ZNF551: variants seen among roughly 807,000 people sequenced by gnomAD.
ZNF551 encodes the protein zinc finger protein 551.
ZNF551 carries 5 observed loss-of-function variants against 7.9 expected under a neutral mutation model. The observed-to-expected ratio is 0.63, with a 90% CI of 0.33 to 1.33. The LOEUF (loss-of-function observed/expected upper bound fraction) is 1.33. ZNF551 is among the 40% of genes most tolerant of loss of function. ZNF551 has a pLI of 0.05. For missense variants in ZNF551, 788 were observed against 825.2 expected (o/e 0.95, Z 0.55); for synonymous variants, 287 against 277.3 (o/e 1.03, Z -0.35).
rs1190363572 is a variant in ZNF551 at position 57,687,833 on chromosome 19, C to G, written c.1558C>G (p.Gln520Glu). ...KSFTRKSDLIQHRRIHTGTRP... is the reference protein window; with the variant it reads ...KSFTRKSDLIEHRRIHTGTRP... ...CTTTACCCGCAAATCTGACCTCATT[C>G]AACACCGGAGAATTCATACTGGCAC... is the stretch of plus-strand genomic sequence containing the variant. Residue 520 changes from glutamine (Q) to glutamate (E), a missense_variant, in exon 3 of 3, where the codon CAA (glutamine) becomes GAA (glutamate). Coordinates refer to ENST00000282296, the MANE Select transcript of ZNF551 (RefSeq NM_138347.5). 6.2e-7 allele frequency: 1 copy of G among 1,614,068 alleles called. No individual in the cohort carries two copies. The highest frequency in any genetic ancestry group is 2.2e-5 in the East Asian group (1 of 44,864).
At position 57,687,980 on chromosome 19, in the gene ZNF551, A is replaced by G. The variant is rs778806700; in HGVS notation, c.1705A>G (p.Ser569Gly). Reference protein sequence around the residue: ...YECSECGKSFSQSASLIQHQR... With the variant: ...YECSECGKSFGQSASLIQHQR... ...ATGTAGTGAATGTGGAAAGTCTTTT[A>G]GCCAAAGTGCTAGCCTCATTCAACA... is the stretch of plus-strand genomic sequence containing the variant. Residue 569 changes from serine to glycine, a missense_variant, in exon 3 of 3, where the codon AGC (serine) becomes GGC (glycine). Ser to Gly is a moderately conservative substitution (Grantham distance 56, BLOSUM62 0). Transcript: ENST00000282296. The G allele has an allele frequency of 1.2e-6, 2 of 1,614,038 alleles. No homozygotes were observed. The highest frequency in any genetic ancestry group is 1.7e-6 in the Non-Finnish European group (2 of 1,180,042).
chr19:57,688,158 C>G lies in ZNF551; in HGVS notation c.1883C>G (p.Ser628Ter), dbSNP rs1268627973. The part of the protein sequence containing the change: ...SQCGKPFTHK[S>*]DLIQHQRVHT... ...TGTGGGAAACCCTTTACCCACAAAT[C>G]AGACCTTATTCAGCACCAAAGAGTT... Residue 628 changes from serine (S) to a stop codon, truncating the protein, a stop_gained, in exon 3 of 3, where the codon TCA becomes TGA. Coordinates refer to ENST00000282296, the MANE Select transcript of ZNF551 (RefSeq NM_138347.5). LOFTEE classifies it low-confidence loss of function (END_TRUNC). 6.2e-7 allele frequency: 1 copy of G among 1,613,824 alleles called. No homozygotes were observed. The highest frequency in any genetic ancestry group is 2.2e-5 in the East Asian group (1 of 44,808).
At position 57,689,591 on chromosome 19, in the gene ZNF551, G is replaced by A. The variant is rs572069020; in HGVS notation, c.*1303G>A. The A allele has an allele frequency of 5.3e-5, 8 of 152,304 alleles. No homozygotes were observed. The highest frequency in any genetic ancestry group is 1.9e-4 in the African/African-American group (8 of 41,498). The allele number at this position is 152,304 out of a possible 1,614,324, so 9.4% of individuals were successfully genotyped here. ...AGGCGGGCGGATTGCCTGAGCTCAG[G>A]AGTTCAAGACCAGCCTGGGCAACAT... is the stretch of plus-strand genomic sequence containing the variant. On this transcript the variant is annotated 3_prime_UTR_variant, in exon 3 of 3. Coordinates refer to ENST00000282296, the MANE Select transcript of ZNF551 (RefSeq NM_138347.5).
In ZNF551 at chr19:57,688,955, G is replaced by A. The variant is rs1199319409; in HGVS notation, c.*667G>A. The A allele has an allele frequency of 6.6e-6, 1 of 152,560 alleles. No homozygotes were observed. Among genetic ancestry groups the A allele is most frequent in the Non-Finnish European group, 1.5e-5 (1 of 68,330 alleles). The allele number at this position is 152,560 out of a possible 1,614,324, so 9.5% of individuals were successfully genotyped here. On this transcript the variant is annotated 3_prime_UTR_variant, in exon 3 of 3. Coordinates refer to ENST00000282296, the MANE Select transcript of ZNF551 (RefSeq NM_138347.5). ...CAGCATGAAGGGGTGAATAGATTTTGTGGAGATCTCAAACTTTCTGTACTC... is the reference window on the plus strand; with the variant it reads ...CAGCATGAAGGGGTGAATAGATTTTATGGAGATCTCAAACTTTCTGTACTC...
chr19:57,683,163 G>A (rs1465029742), intron 1 of ZNF551, among the ~76,000 whole-genome samples: 3 of 152,178 alleles, frequency 2.0e-5, no homozygotes, highest in Non-Finnish European at 2.9e-5. Flanking sequence ...AGCATGGGAA[G>A]CCAACTGAAG....
Position 57,682,087 on chromosome 19 carries a change from C to G in ZNF551, c.-77C>G, listed in dbSNP as rs1017327062. 4 of 1,470,742 alleles carry G rather than the reference C, an allele frequency of 2.7e-6. No homozygotes were observed. Among genetic ancestry groups the G allele is most frequent in the Non-Finnish European group, 2.7e-6 (3 of 1,093,438 alleles). 91.1% of individuals were successfully genotyped at this position (1,470,742 alleles called of 1,614,324 possible). A position where few individuals can be genotyped will look rare whatever the true frequency, so the allele number is the denominator to read the frequency against. On this transcript the variant is annotated 5_prime_UTR_variant, in exon 1 of 3. Coordinates refer to ENST00000282296, the MANE Select transcript of ZNF551 (RefSeq NM_138347.5). Reference sequence around the variant, plus strand: ...ACTGAGGGACGGGACAGAGAAGTCGCGAAAGTGGGCCAGAGGTTCTGCGAC... The same window carrying G: ...ACTGAGGGACGGGACAGAGAAGTCGGGAAAGTGGGCCAGAGGTTCTGCGAC...
rs1404693700 is a variant in ZNF551 at position 57,687,122 on chromosome 19, G to A, written c.847G>A (p.Glu283Lys). 1 of 1,614,084 alleles carries A rather than the reference G, an allele frequency of 6.2e-7. No homozygotes were observed. Among genetic ancestry groups the A allele is most frequent in the Non-Finnish European group, 8.5e-7 (1 of 1,180,054 alleles). Reference protein sequence around the residue: ...HTGQKMFECSECEESFSKKCH... With the variant: ...HTGQKMFECSKCEESFSKKCH... ...TGGACAAAAGATGTTTGAGTGTAGT[G>A]AATGTGAGGAATCCTTTAGCAAAAA... Residue 283 changes from glutamate (E) to lysine (K), a missense_variant, in exon 3 of 3, where the codon GAA becomes AAA. Transcript: ENST00000282296.
chr19:57,686,450 A>G, intron 2 of ZNF551, 31 bp from the exon 3 acceptor site: 1 of 1,590,728 alleles, frequency 6.3e-7, no homozygotes, highest in Non-Finnish European at 8.6e-7. Context: ...GAAAGTCAGC[A>G]TGCATTTCAT....
chr19:57,682,100 G>C lies in ZNF551; in HGVS notation c.-64G>C. ...ACAGAGAAGTCGCGAAAGTGGGCCA[G>C]AGGTTCTGCGACACCACCTCGGGTG... On this transcript the variant is annotated 5_prime_UTR_variant, in exon 1 of 3. Transcript: ENST00000282296. 1 of 1,503,610 alleles carries C rather than the reference G, an allele frequency of 6.7e-7. No individual in the cohort carries two copies. The allele number at this position is 1,503,610 out of a possible 1,614,324, so 93.1% of individuals were successfully genotyped here. A position where few individuals can be genotyped will look rare whatever the true frequency, so the allele number is the denominator to read the frequency against.
intron 1 of ZNF551, among the ~76,000 whole-genome samples, chr19:57,683,180 G>T (rs1303245476): frequency 6.6e-6 from 1 of 152,196 alleles, no homozygotes; most frequent in African/African-American, 2.4e-5. Flanking sequence ...GAAGGATGAG[G>T]TGGGGAGACC....
chr19:57,682,345 A>G, intron 1 of ZNF551, 101 bp downstream of exon 1: 3 of 1,277,048 alleles, frequency 2.3e-6, no homozygotes, highest in South Asian at 1.5e-5. Flanking sequence ...AGGCCCCAGT[A>G]CCCTGGACAA....
At chr19:57,683,431 C>T (rs1984453190) in intron 1 of ZNF551, among the ~76,000 whole-genome samples, 1 of 152,110 alleles carries the variant, frequency 6.6e-6, no homozygotes, top group Non-Finnish European at 1.5e-5. Flanking sequence ...GAGTAGTTTT[C>T]ATTTGGGATA....
chr19:57,686,801 C>T lies in ZNF551; in HGVS notation c.526C>T (p.His176Tyr), dbSNP rs1273415088. Residue 176 changes from histidine (H) to tyrosine (Y), a missense_variant, in exon 3 of 3, where the codon CAT becomes TAT. His to Tyr is a moderately conservative substitution (Grantham distance 83). Coordinates refer to ENST00000282296, the MANE Select transcript of ZNF551 (RefSeq NM_138347.5). ...EATFVTGCRF[H>Y]VLNYFTCGEA... ...TACATTTGTGACCGGCTGCAGATTCCATGTGTTGAATTATTTCACCTGTGG... is the reference window on the plus strand; with the variant it reads ...TACATTTGTGACCGGCTGCAGATTCTATGTGTTGAATTATTTCACCTGTGG... 8.7e-6 allele frequency: 14 copies of T among 1,614,224 alleles called. No homozygotes were observed. Among genetic ancestry groups the T allele is most frequent in the Non-Finnish European group, 1.2e-5 (14 of 1,180,044 alleles).
At position 57,688,666 on chromosome 19, in the gene ZNF551, G is replaced by T. The variant is rs986550169; in HGVS notation, c.*378G>T. On this transcript the variant is annotated 3_prime_UTR_variant, in exon 3 of 3. Coordinates refer to ENST00000282296, the MANE Select transcript of ZNF551 (RefSeq NM_138347.5). ...TTCATGTCTTTTCTCTGACTTTAGAGTATACACCTGACCCAGTTGTGGTCC... is the reference window on the plus strand; with the variant it reads ...TTCATGTCTTTTCTCTGACTTTAGATTATACACCTGACCCAGTTGTGGTCC... The T allele has an allele frequency of 5.1e-6, 1 of 197,460 alleles. No individual in the cohort carries two copies. The highest frequency in any genetic ancestry group is 2.3e-5 in the African/African-American group (1 of 43,612). 12.2% of individuals were successfully genotyped at this position (197,460 alleles called of 1,614,324 possible).
chr19:57,682,504 A>C (rs1984419530), intron 1 of ZNF551, among the ~76,000 whole-genome samples: 1 of 152,200 alleles, frequency 6.6e-6, no homozygotes, highest in Admixed American at 6.5e-5. Flanking sequence ...GCAGGAACAT[A>C]GAGTGAGGCA....
intron 1 of ZNF551, among the ~76,000 whole-genome samples, chr19:57,683,545 T>C (rs371986137): frequency 5.3e-5 from 8 of 152,272 alleles, no homozygotes; most frequent in Admixed American, 3.3e-4. Flanking sequence ...AGATTCAGAA[T>C]GGAGACTTTT....
intron 2 of ZNF551, 139 bp from the exon 3 acceptor site, chr19:57,686,342 C>A: frequency 8.4e-7 from 1 of 1,185,498 alleles, no homozygotes; most frequent in Non-Finnish European, 1.2e-6. Flanking sequence ...GTACTTCAAA[C>A]CAGCCTATTC....
intron 1 of ZNF551, among the ~76,000 whole-genome samples, chr19:57,685,051 C>T (rs1273700794): frequency 6.6e-6 from 1 of 152,142 alleles, no homozygotes; most frequent in East Asian, 1.9e-4. Context: ...ATGCCCAGAG[C>T]TTAGATAGCA....
rs1310025131 is a variant in ZNF551 at position 57,688,480 on chromosome 19, C to T, written c.*192C>T. 2.2e-5 allele frequency: 16 copies of T among 742,234 alleles called. No individual in the cohort carries two copies. Among genetic ancestry groups the T allele is most frequent in the Middle Eastern group, 3.9e-4 (1 of 2,572 alleles). 46.0% of individuals were successfully genotyped at this position (742,234 alleles called of 1,614,324 possible). ...GAGGCCTATAGCCTGATTTATGTCA[C>T]TGCCAATTTCTGAGGCTGAAGCCAT... is the stretch of plus-strand genomic sequence containing the variant. On this transcript the variant is annotated 3_prime_UTR_variant, in exon 3 of 3. Transcript: ENST00000282296.
Sources: gnomAD v4.1 joint callset for allele counts (sites outside exome capture counted in the v4.1 genomes callset) on GRCh38, gnomAD v4.1.1 for gene constraint, MANE v1.5 for transcripts, NCBI Gene and HGNC (gene_info 2026-07-23, HGNC 2026-07-21) for gene names.